Variants in FNDC3B observed in about 807,000 individuals in gnomAD.
FNDC3B encodes the protein fibronectin type III domain-containing protein 3B.
Under a neutral mutation model 151.5 loss-of-function variants are expected in FNDC3B, and 12 were observed. That is an observed-to-expected ratio of 0.08 (90% confidence interval 0.05 to 0.13). FNDC3B has a LOEUF of 0.13. FNDC3B is among the 10% of genes least tolerant of loss of function. FNDC3B has a pLI of 1.00. For synonymous variants in FNDC3B, 528 were observed against 549.0 expected (o/e 0.96, Z 0.54); for missense variants, 1,214 against 1,505.3 (o/e 0.81, Z 3.20).
Position 172,378,449 on chromosome 3 carries a change from T to C in FNDC3B, c.3175+13T>C, listed in dbSNP as rs558187783. 6.3e-6 allele frequency: 10 copies of C among 1,588,282 alleles called. No individual in the cohort carries two copies. The highest frequency in any genetic ancestry group is 8.5e-6 in the Non-Finnish European group (10 of 1,169,866). On this transcript the variant is annotated intron_variant, in intron 24 of 25. Coordinates refer to ENST00000415807, the MANE Select transcript of FNDC3B (RefSeq NM_022763.4). ...CCCACCATCAAAGGTGTGTAGACTA[T>C]GTATTCTTTCTCGCTCTCTTGTGAG...
intron 25 of FNDC3B, among the ~76,000 whole-genome samples, chr3:172,390,267 G>C (rs1434294520): frequency 6.6e-6 from 1 of 152,152 alleles, no homozygotes; most frequent in Non-Finnish European, 1.5e-5. Flanking sequence ...AACAAGAATA[G>C]CTAAAAGAAA....
chr3:172,174,944 C>CCCCCCCCCCCCCCCG (rs924176605), intron 3 of FNDC3B, among the ~76,000 whole-genome samples: 8 of 50,746 alleles, frequency 1.6e-4, no homozygotes, highest in Admixed American at 5.5e-4. Context: ...CCCCCCCCCC[C>CCCCCCCCCCCCCCCG]CCAATACAAT....
Position 172,378,455 on chromosome 3 carries a change from C to T in FNDC3B, c.3175+19C>T, listed in dbSNP as rs199527249. Reference sequence around the variant, plus strand: ...ATCAAAGGTGTGTAGACTATGTATTCTTTCTCGCTCTCTTGTGAGAGTAAG... The same window carrying T: ...ATCAAAGGTGTGTAGACTATGTATTTTTTCTCGCTCTCTTGTGAGAGTAAG... On this transcript the variant is annotated intron_variant, in intron 24 of 25. Coordinates refer to ENST00000415807, the MANE Select transcript of FNDC3B (RefSeq NM_022763.4). 2.5e-6 allele frequency: 4 copies of T among 1,573,178 alleles called. No homozygotes were observed. The highest frequency in any genetic ancestry group is 3.4e-6 in the Non-Finnish European group (4 of 1,162,848).
intron 23 of FNDC3B, among the ~76,000 whole-genome samples, chr3:172,364,175 G>C (rs1253052449): frequency 6.6e-6 from 1 of 152,214 alleles, no homozygotes; most frequent in Admixed American, 6.5e-5. Context: ...TGTGCCTTCG[G>C]ATGTGTTTTC....
At chr3:172,101,335 A>G (rs1410881438) in intron 1 of FNDC3B, among the ~76,000 whole-genome samples, 4 of 152,228 alleles carry the variant, frequency 2.6e-5, no homozygotes, top group African/African-American at 9.6e-5. Flanking sequence ...TTTCGTCAGA[A>G]GTGTCCAATG....
At position 172,297,430 on chromosome 3, in the gene FNDC3B, C is replaced by T. The variant is rs140334251; in HGVS notation, c.1002-1298C>T. Among the ~76,000 whole-genome samples the T allele has an allele frequency of 1.4e-3, 218 of 152,242 alleles. 1 individual carries two copies. The highest frequency in any genetic ancestry group is 2.0e-3 in the Non-Finnish European group (138 of 68,016). On this transcript the variant is annotated intron_variant, in intron 8 of 25. Transcript: ENST00000415807. ...TTTATACTCTGCTTTATCATTTGAA[C>T]TCCTTCCTCTTTTCCTCTTTCTGTC...
At chr3:172,174,930 GCCACCCCCCCC>G (rs1723484034) in intron 3 of FNDC3B, among the ~76,000 whole-genome samples, 2 of 14,698 alleles carry the variant, frequency 1.4e-4, no homozygotes, top group African/African-American at 2.3e-4. Flanking sequence ...CCTTCCCCCC[GCCACCCCCCCC>G]CCCCCAATAC....
chr3:172,152,552 G>T (rs1722281492), intron 3 of FNDC3B, among the ~76,000 whole-genome samples: 1 of 145,152 alleles, frequency 6.9e-6, no homozygotes, highest in African/African-American at 2.6e-5. Context: ...TCCTGTTTCT[G>T]CCACTCACAT....
chr3:172,047,944 C>T (rs1342801081), intron 1 of FNDC3B, among the ~76,000 whole-genome samples: 1 of 152,046 alleles, frequency 6.6e-6, no homozygotes, highest in Non-Finnish European at 1.5e-5. Context: ...ATTTCTTCTG[C>T]CTTTGTGTTT....
At position 172,378,398 on chromosome 3, in the gene FNDC3B, C is replaced by T. The variant is rs142006910; in HGVS notation, c.3137C>T (p.Thr1046Ile). Residue 1046 changes from threonine (T) to isoleucine (I), a missense_variant, in exon 24 of 26, where the codon ACC becomes ATC. Physicochemically the swap from Thr to Ile is moderately conservative, Grantham distance 89. This residue lies in a region of FNDC3B where 284 missense variants were observed against 392.4 expected (regional missense o/e 0.72). Coordinates refer to ENST00000415807, the MANE Select transcript of FNDC3B (RefSeq NM_022763.4). ...AGEGPFSETY[T>I]FSTTKSVPPT... is the part of the protein sequence containing the mutation. ...GAAGGGCCCTTCTCAGAAACCTATA[C>T]CTTCAGCACAACCAAAAGTGTCCCC... 5.0e-6 allele frequency: 8 copies of T among 1,613,500 alleles called. No homozygotes were observed. The African/African-American group carries it at 8.0e-5, about 16-fold the overall frequency.
At chr3:172,136,323 T>G (rs1304743308) in intron 3 of FNDC3B, among the ~76,000 whole-genome samples, 1 of 152,178 alleles carries the variant, frequency 6.6e-6, no homozygotes, top group Non-Finnish European at 1.5e-5. Flanking sequence ...GCGAGCACTT[T>G]GTTAATGAAG....
chr3:172,348,434 T>A (rs560878259), intron 21 of FNDC3B, among the ~76,000 whole-genome samples: 1 of 152,350 alleles, frequency 6.6e-6, no homozygotes, highest in Non-Finnish European at 1.5e-5. Flanking sequence ...TGGGACATAA[T>A]TAACCTTTTG....
At chr3:172,280,906 G>A (rs993262128) in intron 6 of FNDC3B, among the ~76,000 whole-genome samples, 1 of 147,948 alleles carries the variant, frequency 6.8e-6, no homozygotes, top group Admixed American at 6.7e-5. Context: ...TCTTTTTTTT[G>A]AAAAAAACTA....
intron 3 of FNDC3B, among the ~76,000 whole-genome samples, chr3:172,155,810 G>C (rs1412442249): frequency 6.6e-6 from 1 of 152,138 alleles, no homozygotes; most frequent in Non-Finnish European, 1.5e-5. Flanking sequence ...ACCATGCCTT[G>C]GTGGAATTAG....
intron 2 of FNDC3B, among the ~76,000 whole-genome samples, chr3:172,116,598 C>T (rs866869456): frequency 7.2e-5 from 11 of 152,138 alleles, no homozygotes; most frequent in Non-Finnish European, 1.0e-4. Context: ...TGGAGTCTCG[C>T]TCTGTTGCCC....
intron 3 of FNDC3B, among the ~76,000 whole-genome samples, chr3:172,225,247 C>A (rs1726499326): frequency 6.6e-6 from 1 of 152,162 alleles, no homozygotes; most frequent in Non-Finnish European, 1.5e-5. Flanking sequence ...GATCTTGACT[C>A]ACTGCAGCCT....
chr3:172,362,016 T>C (rs1271557043), intron 22 of FNDC3B, among the ~76,000 whole-genome samples: 2 of 152,208 alleles, frequency 1.3e-5, no homozygotes, highest in Admixed American at 1.3e-4. Context: ...CGATTTTAAA[T>C]TCATGGATGA....
At chr3:172,069,564 G>C (rs908409582) in intron 1 of FNDC3B, among the ~76,000 whole-genome samples, 1 of 152,110 alleles carries the variant, frequency 6.6e-6, no homozygotes, top group Admixed American at 6.5e-5. Context: ...AGTTGTTTTT[G>C]CGTGCCTTTA....
intron 1 of FNDC3B, among the ~76,000 whole-genome samples, chr3:172,076,979 T>C (rs1718041419): frequency 6.6e-6 from 1 of 152,208 alleles, no homozygotes; most frequent in South Asian, 2.1e-4. Flanking sequence ...ATATGGTCTC[T>C]ATCTTCAAAG....
Sources: allele counts gnomAD v4.1 joint callset (sites outside exome capture counted in the v4.1 genomes callset), GRCh38; gene constraint gnomAD v4.1.1; regional missense constraint gnomAD v4.1.1; transcripts MANE v1.5; gene names NCBI Gene and HGNC (gene_info 2026-07-23, HGNC 2026-07-21).